Variants in PBX1 observed in about 807,000 individuals in gnomAD.
PBX1 encodes pre-B-cell leukemia transcription factor 1.
PBX1 carries 6 observed loss-of-function variants against 53.4 expected under a neutral mutation model. The observed-to-expected ratio is 0.11, with a 90% CI of 0.06 to 0.22. The LOEUF (loss-of-function observed/expected upper bound fraction) is 0.22. Among genes scored for constraint, PBX1 ranks in the 10% least tolerant of loss-of-function variants. PBX1 has a pLI of 1.00. For synonymous variants in PBX1, 204 were observed against 212.3 expected (o/e 0.96, Z 0.34); for missense variants, 251 against 551.4 (o/e 0.46, Z 5.46).
chr1:164,586,549 C>G (rs184840460), intron 2 of PBX1, among the ~76,000 whole-genome samples: 2 of 152,196 alleles, frequency 1.3e-5, no homozygotes, highest in Non-Finnish European at 2.9e-5. Flanking sequence ...TAGTTACACT[C>G]ATTATCCAGG....
At chr1:164,619,128 A>G (rs1381256367) in intron 2 of PBX1, among the ~76,000 whole-genome samples, 4 of 152,156 alleles carry the variant, frequency 2.6e-5, no homozygotes, top group African/African-American at 9.7e-5. Context: ...AAGGAAACTC[A>G]CAGGAAACCA....
chr1:164,693,231 T>C (rs2102028536), intron 2 of PBX1, among the ~76,000 whole-genome samples: 1 of 152,336 alleles, frequency 6.6e-6, no homozygotes, highest in South Asian at 2.1e-4. Context: ...CTGTGGTTCA[T>C]GCTCGCTGTT....
chr1:164,635,562 A>C (rs1401630435), intron 2 of PBX1, among the ~76,000 whole-genome samples: 2 of 152,222 alleles, frequency 1.3e-5, no homozygotes, highest in Non-Finnish European at 2.9e-5. Flanking sequence ...CTTGGGTCTG[A>C]GGCGCGCGCG....
intron 2 of PBX1, among the ~76,000 whole-genome samples, chr1:164,688,075 G>T (rs187951937): frequency 6.6e-6 from 1 of 152,080 alleles, no homozygotes; most frequent in Non-Finnish European, 1.5e-5. Flanking sequence ...ACCTTTGCCC[G>T]GGGGACACCT....
intron 2 of PBX1, among the ~76,000 whole-genome samples, chr1:164,650,467 C>T (rs1659733582): frequency 6.6e-6 from 1 of 152,092 alleles, no homozygotes; most frequent in Non-Finnish European, 1.5e-5. Flanking sequence ...GACAAGTGAT[C>T]CGCCCGCCTC....
chr1:164,753,103 C>A (rs1180987011), intron 2 of PBX1, among the ~76,000 whole-genome samples: 2 of 152,162 alleles, frequency 1.3e-5, no homozygotes, highest in Admixed American at 1.3e-4. Context: ...CGATCTGAAT[C>A]TTTTATCTGT....
intron 2 of PBX1, among the ~76,000 whole-genome samples, chr1:164,732,668 ATC>A (rs1665060964): frequency 6.6e-6 from 1 of 152,010 alleles, no homozygotes; most frequent in South Asian, 2.1e-4. Flanking sequence ...CTCAGTAAGA[ATC>A]TCTCTGTTCT....
chr1:164,600,611 G>T (rs1360776592), intron 2 of PBX1, among the ~76,000 whole-genome samples: 1 of 152,168 alleles, frequency 6.6e-6, no homozygotes, highest in Admixed American at 6.5e-5. Flanking sequence ...GGCAAACAGA[G>T]CTTTTGGCAC....
In PBX1 at chr1:164,850,205, T is replaced by A. The variant is rs1367331352; in HGVS notation, c.*3529T>A. 1.8e-5 allele frequency: 4 copies of A among 226,934 alleles called. No homozygotes were observed. The highest frequency in any genetic ancestry group is 8.9e-5 in the African/African-American group (4 of 45,010). The allele number at this position is 226,934 out of a possible 1,614,324, so 14.1% of individuals were successfully genotyped here. On this transcript the variant is annotated 3_prime_UTR_variant, in exon 9 of 9. Transcript: ENST00000420696. ...GTTTTTAACACCAGACTACCTACAT[T>A]CATCATTTCCCTCATTTTTCTTTTA...
chr1:164,854,676 G>A (rs898939682), downstream of PBX1, among the ~76,000 whole-genome samples: 2 of 152,016 alleles, frequency 1.3e-5, no homozygotes, highest in Non-Finnish European at 2.9e-5. Flanking sequence ...CTTGGGCATG[G>A]TAGAGGTGAG....
intron 2 of PBX1, among the ~76,000 whole-genome samples, chr1:164,664,660 G>A (rs796844712): frequency 6.6e-6 from 1 of 152,158 alleles, no homozygotes; most frequent in Non-Finnish European, 1.5e-5. Context: ...ACCCAAGACC[G>A]GACAAATTCC....
At chr1:164,694,853 A>G (rs1360801729) in intron 2 of PBX1, among the ~76,000 whole-genome samples, 1 of 152,210 alleles carries the variant, frequency 6.6e-6, no homozygotes, top group African/African-American at 2.4e-5. Flanking sequence ...ATCTGCTGTC[A>G]TCCTAAGTCA....
intron 2 of PBX1, chr1:164,631,078 C>T (rs1181276556): frequency 1.3e-5 from 2 of 152,158 alleles, no homozygotes; most frequent in Non-Finnish European, 2.9e-5. Context: ...ATATATTAAC[C>T]TTACTGATAC....
intron 2 of PBX1, among the ~76,000 whole-genome samples, chr1:164,782,060 A>C (rs1181309269): frequency 6.6e-6 from 1 of 152,254 alleles, no homozygotes; most frequent in African/African-American, 2.4e-5. Context: ...AACATGGCTT[A>C]AACAAAATAC....
chr1:164,847,008 C>T lies in PBX1; in HGVS notation c.*332C>T. ...TCATATCACTGAAGGATATTTTCAA[C>T]AATTAGAGGAATTTAAAGAGGAAAA... On this transcript the variant is annotated 3_prime_UTR_variant, in exon 9 of 9. Transcript: ENST00000420696. 1 of 1,156,054 alleles carries T rather than the reference C, an allele frequency of 8.7e-7. No homozygotes were observed. The highest frequency in any genetic ancestry group is 1.1e-6 in the Non-Finnish European group (1 of 935,434). The allele number at this position is 1,156,054 out of a possible 1,614,324, so 71.6% of individuals were successfully genotyped here. A position where few individuals can be genotyped will look rare whatever the true frequency, so the allele number is the denominator to read the frequency against.
At chr1:164,637,618 A>G (rs1658858783) in intron 2 of PBX1, among the ~76,000 whole-genome samples, 1 of 152,206 alleles carries the variant, frequency 6.6e-6, no homozygotes, top group Non-Finnish European at 1.5e-5. Flanking sequence ...CTGAGGAGTG[A>G]CAGATTGTGA....
At chr1:164,789,355 GA>G (rs1237597725) in intron 2 of PBX1, among the ~76,000 whole-genome samples, 4 of 152,194 alleles carry the variant, frequency 2.6e-5, no homozygotes, top group Non-Finnish European at 5.9e-5. Flanking sequence ...TTGGAAAGAG[GA>G]AATATTCTCA....
chr1:164,676,770 C>T (rs1342875845), intron 2 of PBX1, among the ~76,000 whole-genome samples: 2 of 152,194 alleles, frequency 1.3e-5, no homozygotes, highest in African/African-American at 4.8e-5. Flanking sequence ...GTCATTCACT[C>T]CCTAGCTGCC....
intron 2 of PBX1, among the ~76,000 whole-genome samples, chr1:164,607,735 CA>C (rs1445600692): frequency 6.6e-6 from 1 of 151,900 alleles, no homozygotes. Context: ...CTGAGAAGGC[CA>C]AATATTTGGC....
Sources: allele counts gnomAD v4.1 joint callset (sites outside exome capture counted in the v4.1 genomes callset), GRCh38; gene constraint gnomAD v4.1.1; transcripts MANE v1.5; gene names NCBI Gene and HGNC (gene_info 2026-07-23, HGNC 2026-07-21).